ZBTB25: variants seen among roughly 807,000 people sequenced by gnomAD.
ZBTB25 encodes the protein zinc finger and BTB domain containing 25.
Under a neutral mutation model 34.2 loss-of-function variants are expected in ZBTB25, and 20 were observed. The observed-to-expected ratio is 0.58, with a 90% CI of 0.41 to 0.85. ZBTB25 has a LOEUF of 0.85. Ranked by LOEUF, ZBTB25 falls within the 40% of genes least tolerant of loss-of-function variation. The pLI, the probability that ZBTB25 is intolerant of heterozygous loss-of-function variation, is 0.00. For synonymous variants in ZBTB25, 175 were observed against 186.4 expected (o/e 0.94, Z 0.50); for missense variants, 437 against 521.8 (o/e 0.84, Z 1.58).
rs557940163 is a variant in ZBTB25, at chr14:64,458,515, A to C, written c.174-8877T>G. The C allele has an allele frequency of 3.2e-5, 19 of 588,790 alleles. No homozygotes were observed. In the East Asian group the frequency reaches 5.7e-4, roughly 18 times the overall value. The allele number at this position is 588,790 out of a possible 1,614,324, so 36.5% of individuals were successfully genotyped here. Reference sequence around the variant, plus strand: ...TTATATTTCAACACATTTTTGGAAGAAGCGCAGCATGGCTTGTCACAGGTT... The same window carrying C: ...TTATATTTCAACACATTTTTGGAAGCAGCGCAGCATGGCTTGTCACAGGTT... On this transcript the variant is annotated intron_variant, in intron 2 of 2. Transcript: ENST00000555220.
chr14:64,458,651 A>G (rs1445643209), intron 2 of ZBTB25: 1 of 372,728 alleles, frequency 2.7e-6, no homozygotes, highest in Non-Finnish European at 5.1e-6. Context: ...AGTTGATGAC[A>G]CATTGCAGGT....
At chr14:64,496,110 T>C (rs2079266687) in intron 1 of ZBTB25, among the ~76,000 whole-genome samples, 1 of 152,174 alleles carries the variant, frequency 6.6e-6, no homozygotes, top group African/African-American at 2.4e-5. Flanking sequence ...GGCTACTCCA[T>C]AGGCAGAGCA....
At position 64,486,704 on chromosome 14, in the gene ZBTB25, G is replaced by A. The variant is rs78228259; in HGVS notation, c.*219C>T. ...TTTCTGATTTCTAAATTGTTATTTC[G>A]TTTGTGAAAAGTTCACAGTAGTAAT... On this transcript the variant is annotated 3_prime_UTR_variant, in exon 3 of 3. Coordinates refer to ENST00000608382, the MANE Select transcript of ZBTB25 (RefSeq NM_006977.5). The A allele has an allele frequency of 1.6e-3, 1,892 of 1,186,068 alleles. 23 individuals are homozygous for A. In the African/African-American group the frequency reaches 0.027, roughly 17 times the overall value. 73.5% of individuals were successfully genotyped at this position (1,186,068 alleles called of 1,614,324 possible). A position where few individuals can be genotyped will look rare whatever the true frequency, so the allele number is the denominator to read the frequency against.
intron 2 of ZBTB25, chr14:64,471,149 CTTTTCTTT>C (rs2078665768): frequency 6.7e-6 from 1 of 148,300 alleles, no homozygotes; most frequent in African/African-American, 2.5e-5. Context: ...TCACTATTTT[CTTTTCTTT>C]TTTTTTTTTT....
Position 64,486,404 on chromosome 14 carries a change from G to T in ZBTB25, c.*519C>A. The T allele has an allele frequency of 1.0e-6, 1 of 984,556 alleles. No homozygotes were observed. Among genetic ancestry groups the T allele is most frequent in the Non-Finnish European group, 1.2e-6 (1 of 829,238 alleles). The allele number at this position is 984,556 out of a possible 1,614,324, so 61.0% of individuals were successfully genotyped here. A position where few individuals can be genotyped will look rare whatever the true frequency, so the allele number is the denominator to read the frequency against. ...AAAAAATAAAACTACTCATGATTTG[G>T]TATATCTTAAAATAAATTTTTATAC... On this transcript the variant is annotated 3_prime_UTR_variant, in exon 3 of 3. Transcript: ENST00000608382.
intron 2 of ZBTB25, among the ~76,000 whole-genome samples, chr14:64,456,135 G>A (rs1269693896): frequency 6.6e-6 from 1 of 152,236 alleles, no homozygotes; most frequent in East Asian, 1.9e-4. Flanking sequence ...GGTAACAGTA[G>A]AGGTGAAAGC....
At chr14:64,456,838 C>T (rs1043392349) in intron 2 of ZBTB25, among the ~76,000 whole-genome samples, 3 of 152,168 alleles carry the variant, frequency 2.0e-5, no homozygotes, top group Non-Finnish European at 4.4e-5. Flanking sequence ...TTTTGTGTTA[C>T]AGAAGATGAC....
At chr14:64,467,732 C>T (rs2078625954) in intron 2 of ZBTB25, 1 of 151,972 alleles carries the variant, frequency 6.6e-6, no homozygotes. Flanking sequence ...CAAATAATCT[C>T]TAAAGTCCTT....
Position 64,486,820 on chromosome 14 carries a change from A to G in ZBTB25, c.*103T>C. The G allele has an allele frequency of 2.1e-6, 3 of 1,452,836 alleles. No homozygotes were observed. The highest frequency in any genetic ancestry group is 2.8e-5 in the Admixed American group (1 of 35,358). The allele number at this position is 1,452,836 out of a possible 1,614,324, so 90.0% of individuals were successfully genotyped here. On this transcript the variant is annotated 3_prime_UTR_variant, in exon 3 of 3. Transcript: ENST00000608382. The stretch of plus-strand genomic sequence containing the variant: ...TAAAACCATGGATAAGCTGTGAAGA[A>G]AAAAAGTCAATGAAACTTGAGGAGG...
Position 64,486,670 on chromosome 14 carries a change from C to G in ZBTB25, c.*253G>C, listed in dbSNP as rs1464610254. 1 of 1,115,268 alleles carries G rather than the reference C, an allele frequency of 9.0e-7. No homozygotes were observed. The highest frequency in any genetic ancestry group is 4.2e-5 in the East Asian group (1 of 23,960). The allele number at this position is 1,115,268 out of a possible 1,614,324, so 69.1% of individuals were successfully genotyped here. On this transcript the variant is annotated 3_prime_UTR_variant, in exon 3 of 3. Transcript: ENST00000608382. ...ATAACTATTTAAGGTTTCCATATTT[C>G]TACATTGATTTCTGATTTCTAAATT...
At position 64,486,417 on chromosome 14, in the gene ZBTB25, T is replaced by A. The variant is rs2078864037; in HGVS notation, c.*506A>T. On this transcript the variant is annotated 3_prime_UTR_variant, in exon 3 of 3. Transcript: ENST00000608382. ...ACTCATGATTTGGTATATCTTAAAA[T>A]AAATTTTTATACATTATAACATATG... 1 of 981,038 alleles carries A rather than the reference T, an allele frequency of 1.0e-6. No individual in the cohort carries two copies. The highest frequency in any genetic ancestry group is 4.7e-5 in the South Asian group (1 of 21,212). 60.8% of individuals were successfully genotyped at this position (981,038 alleles called of 1,614,324 possible).
At chr14:64,455,851 T>A (rs1329165295) in intron 2 of ZBTB25, among the ~76,000 whole-genome samples, 1 of 152,206 alleles carries the variant, frequency 6.6e-6, no homozygotes, top group Non-Finnish European at 1.5e-5. Flanking sequence ...GGCAACATCA[T>A]CACATCACAG....
At chr14:64,460,179 G>A (rs1000811529) in intron 2 of ZBTB25, 3 of 422,354 alleles carry the variant, frequency 7.1e-6, no homozygotes, top group Non-Finnish European at 1.3e-5. Context: ...GTATTTCTGA[G>A]AGGACACATA....
intron 1 of ZBTB25, among the ~76,000 whole-genome samples, chr14:64,500,454 C>CAAAAAA (rs374975040): frequency 7.7e-5 from 4 of 52,074 alleles, no homozygotes; most frequent in African/African-American, 3.3e-4. Context: ...CCCAATAAAG[C>CAAAAAA]AAAAAAAAAA....
chr14:64,492,497 A>G (rs964932300), intron 1 of ZBTB25, among the ~76,000 whole-genome samples: 1 of 152,084 alleles, frequency 6.6e-6, no homozygotes, highest in African/African-American at 2.4e-5. Flanking sequence ...CCGGCCTAAC[A>G]AACTAAAAAT....
upstream of ZBTB25, chr14:64,503,878 TACGTGCGC>T (rs987770041): frequency 6.6e-6 from 1 of 152,304 alleles, no homozygotes; most frequent in African/African-American, 2.4e-5. Context: ...CGTGCGTGCG[TACGTGCGC>T]GCCCTCCCGC....
intron 2 of ZBTB25, among the ~76,000 whole-genome samples, chr14:64,457,053 C>T (rs182190319): frequency 2.0e-5 from 3 of 152,088 alleles, no homozygotes; most frequent in African/African-American, 7.2e-5. Context: ...GTAGTGAGTA[C>T]AAATATAATT....
At chr14:64,462,917 T>C (rs550233203) in intron 2 of ZBTB25, 3 of 152,260 alleles carry the variant, frequency 2.0e-5, no homozygotes, top group South Asian at 2.1e-4. Flanking sequence ...TTGGTAGCTA[T>C]AGGCCCAGGC....
downstream of ZBTB25, among the ~76,000 whole-genome samples, chr14:64,475,638 G>A (rs144172647): frequency 6.6e-6 from 1 of 152,054 alleles, no homozygotes; most frequent in African/African-American, 2.4e-5. Flanking sequence ...AAGCTTACTG[G>A]GGGTTAAGTT....
Sources: allele counts gnomAD v4.1 joint callset (sites outside exome capture counted in the v4.1 genomes callset), GRCh38; gene constraint gnomAD v4.1.1; transcripts MANE v1.5; gene names NCBI Gene and HGNC (gene_info 2026-07-23, HGNC 2026-07-21).